The following PAPPA variants were observed in gnomAD, a reference collection of about 807,000 sequenced individuals.
The protein encoded by PAPPA is pappalysin-1.
Under a neutral mutation model 164.0 loss-of-function variants are expected in PAPPA, and 60 were observed. The ratio of observed to expected loss-of-function variants is 0.37; its 90% confidence interval spans 0.30 to 0.45. The LOEUF is 0.45. Ranked by LOEUF, PAPPA falls within the 20% of genes least tolerant of loss-of-function variation. The pLI is 1.00. For missense variants in PAPPA, 1,782 were observed against 2,087.3 expected, an observed-to-expected ratio of 0.85 and a Z score of 2.85; for synonymous variants, 875 against 814.1, an observed-to-expected ratio of 1.07 and a Z score of -1.27.
At chr9:116,348,691 C>T (rs1308390942) in intron 15 of PAPPA, among the ~76,000 whole-genome samples, 2 of 152,074 alleles carry the variant, frequency 1.3e-5, no homozygotes, top group Non-Finnish European at 2.9e-5. Context: ...GTTAGTTGTT[C>T]TCCTCTATGT....
intron 1 of PAPPA, among the ~76,000 whole-genome samples, chr9:116,185,136 G>A (rs1320129200): frequency 6.6e-6 from 1 of 152,176 alleles, no homozygotes; most frequent in Non-Finnish European, 1.5e-5. Context: ...ATCAGACTTG[G>A]ACCTAATATG....
chr9:116,188,430 G>A (rs895362445), intron 2 of PAPPA, among the ~76,000 whole-genome samples: 2 of 152,166 alleles, frequency 1.3e-5, no homozygotes, highest in African/African-American at 2.4e-5. Flanking sequence ...CCTACCATGA[G>A]TCATGAGGGA....
At chr9:116,167,721 A>C (rs1843732841) in intron 1 of PAPPA, among the ~76,000 whole-genome samples, 1 of 152,168 alleles carries the variant, frequency 6.6e-6, no homozygotes, top group Non-Finnish European at 1.5e-5. Context: ...CTATCATCAG[A>C]GCTGATTAAG....
At position 116,187,125 on chromosome 9, in the gene PAPPA, ATTCATCT is replaced by A. The variant is rs1209983487; in HGVS notation, c.416-25_416-19del. 1 of 1,485,990 alleles carries A rather than the reference ATTCATCT, an allele frequency of 6.7e-7. No individual in the cohort carries two copies. The highest frequency in any genetic ancestry group is 1.7e-5 in the Admixed American group (1 of 58,076). 92.1% of individuals were successfully genotyped at this position (1,485,990 alleles called of 1,614,324 possible). On this transcript the variant is annotated intron_variant, in intron 1 of 21. Coordinates refer to ENST00000328252, the MANE Select transcript of PAPPA (RefSeq NM_002581.5). This position sits in a 1 kb window ranked among gnomAD's most constrained non-coding sequence, Gnocchi z 4.2. ...CCCCCTCCTTTTCCATCCTTTATTT[ATTCATCT>A]TTCTCTTTTGGGGCCACATAGGGCT...
chr9:116,296,562 A>G (rs1276858906), intron 9 of PAPPA, among the ~76,000 whole-genome samples: 2 of 152,196 alleles, frequency 1.3e-5, no homozygotes, highest in East Asian at 3.9e-4. Flanking sequence ...GATGGAAGAA[A>G]TCTAGGAACT....
At chr9:116,322,867 C>T (rs1254589493) in intron 10 of PAPPA, among the ~76,000 whole-genome samples, 1 of 152,144 alleles carries the variant, frequency 6.6e-6, no homozygotes, top group Non-Finnish European at 1.5e-5. Flanking sequence ...CATCCCCGCA[C>T]TCCTCCTCCC....
At chr9:116,218,928 G>A (rs142376622) in intron 4 of PAPPA, among the ~76,000 whole-genome samples, 1 of 152,134 alleles carries the variant, frequency 6.6e-6, no homozygotes, top group Non-Finnish European at 1.5e-5. Flanking sequence ...GGGGTTTACC[G>A]TGTCTAAAGC....
In PAPPA at chr9:116,344,399, T is replaced by C. The variant is rs986199777; in HGVS notation, c.3612-144T>C. On this transcript the variant is annotated intron_variant, in intron 13 of 21. Coordinates refer to ENST00000328252, the MANE Select transcript of PAPPA (RefSeq NM_002581.5). ...TTTAATCGCTGCCTCTAGAGTCATC[T>C]TCACCCTAGCCAGCACCCCTTTCTG... The C allele has an allele frequency of 2.3e-5, 16 of 709,852 alleles. No individual in the cohort carries two copies. The African/African-American group carries it at 2.8e-4, about 12-fold the overall frequency. The allele number at this position is 709,852 out of a possible 1,614,324, so 44.0% of individuals were successfully genotyped here.
At chr9:116,250,392 C>A (rs1018119035) in intron 7 of PAPPA, among the ~76,000 whole-genome samples, 15 of 152,174 alleles carry the variant, frequency 9.9e-5, no homozygotes, top group African/African-American at 3.4e-4. Flanking sequence ...TAGAAACTTC[C>A]ATCCAAGGAT....
chr9:116,227,631 AT>A, intron 6 of PAPPA, 79 bp downstream of exon 6: 1 of 1,458,802 alleles, frequency 6.9e-7, no homozygotes, highest in Non-Finnish European at 9.3e-7. Flanking sequence ...GGGTTTTATT[AT>A]TTTTATGGGT....
chr9:116,177,291 A>G (rs552683158), intron 1 of PAPPA, among the ~76,000 whole-genome samples: 5 of 152,192 alleles, frequency 3.3e-5, no homozygotes, highest in East Asian at 3.9e-4. Context: ...TTCACTCCCA[A>G]ATTGTGCTCT....
rs200115549 is a variant in PAPPA at position 116,235,344 on chromosome 9, C to G, written c.2439C>G (p.Val813=). Residue 813 remains valine, a synonymous_variant, in exon 7 of 22, where the codon GTC becomes GTG. Transcript: ENST00000328252. ...CTGACTGGGACTCTAGTGGAGCTGT[C>G]AATGACATCAAACTGTTGGCTGTCA... is the stretch of plus-strand genomic sequence containing the variant. ...VSTDWDSSGA[V]NDIKLLAVSG... 6.8e-6 allele frequency: 11 copies of G among 1,613,990 alleles called. No individual in the cohort carries two copies. The highest frequency in any genetic ancestry group is 8.5e-6 in the Non-Finnish European group (10 of 1,179,954).
chr9:116,376,021 A>T (rs1211728488), intron 19 of PAPPA, among the ~76,000 whole-genome samples: 1 of 135,692 alleles, frequency 7.4e-6, no homozygotes, highest in African/African-American at 2.7e-5. Flanking sequence ...AACTTCCAGG[A>T]TTTTTTTTTT....
chr9:116,390,836 C>T (rs1846881962), intron 21 of PAPPA, among the ~76,000 whole-genome samples: 1 of 152,154 alleles, frequency 6.6e-6, no homozygotes, highest in African/African-American at 2.4e-5. Flanking sequence ...ATTACCACCA[C>T]CATCATCATC....
chr9:116,289,453 T>A (rs72754244), intron 9 of PAPPA, among the ~76,000 whole-genome samples: 53,487 of 146,990 alleles, frequency 0.36, 10,471 homozygotes, highest in East Asian at 0.53. Context: ...TTTGCATGCA[T>A]TGTTTTACTT....
intron 2 of PAPPA, among the ~76,000 whole-genome samples, chr9:116,200,829 A>T (rs930972476): frequency 4.6e-5 from 7 of 152,176 alleles, no homozygotes; most frequent in Admixed American, 1.3e-4. Context: ...GAAATTAGAA[A>T]GGAAGAAAGG....
intron 21 of PAPPA, among the ~76,000 whole-genome samples, chr9:116,387,670 C>T (rs1035972595): frequency 2.8e-4 from 42 of 152,328 alleles, no homozygotes; most frequent in African/African-American, 8.2e-4. Context: ...CCGCCATGGA[C>T]GGCCCTAGGC....
At chr9:116,233,594 G>A (rs2118739060) in intron 6 of PAPPA, among the ~76,000 whole-genome samples, 1 of 152,254 alleles carries the variant, frequency 6.6e-6, no homozygotes, top group African/African-American at 2.4e-5. Context: ...TATCTAAGAA[G>A]CCTCTGTGTA....
chr9:116,203,996 A>G (rs1844202009), intron 2 of PAPPA, among the ~76,000 whole-genome samples: 1 of 152,182 alleles, frequency 6.6e-6, no homozygotes, highest in South Asian at 2.1e-4. Context: ...AGAGACACTG[A>G]AAGCTGAGAC....
Sources: allele counts gnomAD v4.1 joint callset (sites outside exome capture counted in the v4.1 genomes callset), GRCh38; gene constraint gnomAD v4.1.1; non-coding constraint Gnocchi (gnomAD v3.1); transcripts MANE v1.5; gene names NCBI Gene and HGNC (gene_info 2026-07-23, HGNC 2026-07-21).